Variants in REDIC1 observed in about 807,000 individuals in gnomAD.
The protein encoded by REDIC1 is HEI10 Interacting Protein 1.
chr12:39,755,940 C>T, the REDIC1 span: 1 of 152,000 alleles, frequency 6.6e-6, no homozygotes, highest in Non-Finnish European at 1.5e-5. Flanking sequence ...ATTTCCTTCT[C>T]TAAAGAGACA....
the REDIC1 span, among the ~76,000 whole-genome samples, chr12:39,713,630 A>AG: frequency 6.7e-6 from 1 of 149,446 alleles, no homozygotes; most frequent in Non-Finnish European, 1.5e-5. Context: ...GCATGTATAC[A>AG]GTACATATGT....
the REDIC1 span, among the ~76,000 whole-genome samples, chr12:39,860,508 C>T: frequency 3.5e-4 from 54 of 152,304 alleles, no homozygotes; most frequent in Non-Finnish European, 7.2e-4. Context: ...CCTCCAACTA[C>T]GGGCCAGTTT....
chr12:39,886,649 A>G, the REDIC1 span, among the ~76,000 whole-genome samples: 1 of 152,110 alleles, frequency 6.6e-6, no homozygotes, highest in Non-Finnish European at 1.5e-5. Flanking sequence ...TTAACTCTCT[A>G]CTTTTCTTTA....
chr12:39,801,996 A>G, the REDIC1 span, among the ~76,000 whole-genome samples: 3 of 152,202 alleles, frequency 2.0e-5, no homozygotes, highest in Admixed American at 2.0e-4. Context: ...ATAGCCAATG[A>G]ATAAGTAAGC....
chr12:39,907,288 A>C, the REDIC1 span, among the ~76,000 whole-genome samples: 1 of 152,154 alleles, frequency 6.6e-6, no homozygotes, highest in East Asian at 1.9e-4. Flanking sequence ...ATGAAAGAGA[A>C]CATATATGTA....
At chr12:39,693,559 A>G in the REDIC1 span, among the ~76,000 whole-genome samples, 1 of 152,066 alleles carries the variant, frequency 6.6e-6, no homozygotes, top group South Asian at 2.1e-4. Context: ...ATATTTTATA[A>G]AAGAATTAAG....
chr12:39,704,414 A>G, the REDIC1 span, among the ~76,000 whole-genome samples: 6 of 152,170 alleles, frequency 3.9e-5, no homozygotes, highest in South Asian at 1.2e-3. Context: ...TTAAAAAGTC[A>G]GGAAACAACA....
the REDIC1 span, among the ~76,000 whole-genome samples, chr12:39,893,907 T>C: frequency 6.6e-6 from 1 of 152,226 alleles, no homozygotes; most frequent in Admixed American, 6.5e-5. Flanking sequence ...AAATCCATTA[T>C]TTTTATTGAA....
At chr12:39,652,691 T>C in the REDIC1 span, among the ~76,000 whole-genome samples, 1 of 152,184 alleles carries the variant, frequency 6.6e-6, no homozygotes, top group Non-Finnish European at 1.5e-5. Context: ...TCTTCTGTTT[T>C]ATACTTTTAG....
chr12:39,895,496 A>C, the REDIC1 span, among the ~76,000 whole-genome samples: 132 of 58,404 alleles, frequency 2.3e-3, 1 homozygote, highest in African/African-American at 8.3e-3. Context: ...TCTCAAAAAA[A>C]AAAAAAAAAA....
At chr12:39,790,560 T>C in the REDIC1 span, among the ~76,000 whole-genome samples, 23 of 149,012 alleles carry the variant, frequency 1.5e-4, no homozygotes, top group Non-Finnish European at 1.3e-4. Flanking sequence ...CATCCTTTTT[T>C]ATGGCTGCAT....
At chr12:39,753,643 GA>G in the REDIC1 span, among the ~76,000 whole-genome samples, 1 of 152,184 alleles carries the variant, frequency 6.6e-6, no homozygotes, top group Admixed American at 6.6e-5. Context: ...TTGTTCTCAG[GA>G]AAGGATTTTA....
the REDIC1 span, among the ~76,000 whole-genome samples, chr12:39,724,214 G>A: frequency 6.6e-6 from 1 of 152,126 alleles, no homozygotes; most frequent in East Asian, 1.9e-4. Flanking sequence ...GTCTTTGAAA[G>A]TGTGTTCTAC....
At chr12:39,660,475 A>G in the REDIC1 span, among the ~76,000 whole-genome samples, 1 of 152,136 alleles carries the variant, frequency 6.6e-6, no homozygotes, top group East Asian at 1.9e-4. Context: ...CCTCTGACTG[A>G]AAACTGTTGT....
At chr12:39,711,481 GTATA>G in the REDIC1 span, among the ~76,000 whole-genome samples, 1 of 140,622 alleles carries the variant, frequency 7.1e-6, no homozygotes, top group African/African-American at 2.6e-5. Context: ...ATATGTATGT[GTATA>G]TATGTATATA....
chr12:39,900,342 G>A, the REDIC1 span, among the ~76,000 whole-genome samples: 5 of 152,102 alleles, frequency 3.3e-5, no homozygotes, highest in Non-Finnish European at 7.4e-5. Flanking sequence ...TCTGGCCAGG[G>A]CGATTAGGCA....
the REDIC1 span, among the ~76,000 whole-genome samples, chr12:39,860,953 C>A: frequency 1.3e-5 from 2 of 152,166 alleles, no homozygotes; most frequent in East Asian, 3.9e-4. Flanking sequence ...CATGGATTTA[C>A]GTTCTTAGAC....
chr12:39,908,055 T>C, the REDIC1 span: 5 of 152,036 alleles, frequency 3.3e-5, no homozygotes, highest in Non-Finnish European at 7.3e-5. Context: ...CATAGACTTA[T>C]CTATTACCAG....
chr12:39,645,252 T>C, the REDIC1 span, among the ~76,000 whole-genome samples: 6 of 151,982 alleles, frequency 3.9e-5, no homozygotes, highest in Non-Finnish European at 8.8e-5. Flanking sequence ...TTTTCATTTA[T>C]TTCTTCAGCA....
Sources: allele counts gnomAD v4.1 joint callset (sites outside exome capture counted in the v4.1 genomes callset), GRCh38; gene constraint gnomAD v4.1.1; transcripts MANE v1.5; gene names NCBI Gene and HGNC (gene_info 2026-07-23, HGNC 2026-07-21).